ANK2: variants seen among roughly 807,000 people sequenced by gnomAD.
The protein encoded by ANK2 is ankyrin-2.
ANK2 carries 83 observed loss-of-function variants against 360.5 expected under a neutral mutation model. That is an observed-to-expected ratio of 0.23 (90% CI 0.19 to 0.28). ANK2 has a LOEUF of 0.28. Among genes scored for constraint, ANK2 ranks in the 10% least tolerant of loss-of-function variants. The probability of loss-of-function intolerance (pLI) is 1.00; values close to 1 mark genes in which losing one functional copy is unlikely to be tolerated. For synonymous variants in ANK2, 1,740 were observed against 1,759.5 expected, an observed-to-expected ratio of 0.99 and a Z score of 0.28; for missense variants, 4,201 against 4,795.7, an observed-to-expected ratio of 0.88 and a Z score of 3.66.
Position 113,356,680 on chromosome 4 carries a change from C to A in ANK2, c.8062C>A (p.Arg2688=), listed in dbSNP as rs765199439. ...DSGLLPEPVI[R]VQPPSPLPSS... ...AGGCCTTTTACCAGAACCAGTGATT[C>A]GAGTACAACCTCCTTCTCCACTTCC... is the stretch of plus-strand genomic sequence containing the variant. The change falls in exon 38 of 46, where the codon CGA becomes AGA. Residue 2688 remains arginine, a synonymous_variant. Transcript: ENST00000357077. 4 of 1,614,072 alleles carry A rather than the reference C, an allele frequency of 2.5e-6. No individual in the cohort carries two copies. Among genetic ancestry groups the A allele is most frequent in the Middle Eastern group, 1.6e-4 (1 of 6,062 alleles).
chr4:113,281,363 C>T (rs2062265625), intron 17 of ANK2, among the ~76,000 whole-genome samples: 1 of 151,924 alleles, frequency 6.6e-6, no homozygotes, highest in Admixed American at 6.6e-5. Context: ...CATGGTGAAA[C>T]CCCATCTCTA....
intron 1 of ANK2, among the ~76,000 whole-genome samples, chr4:113,166,257 T>A (rs1317370052): frequency 6.6e-6 from 1 of 152,122 alleles, no homozygotes; most frequent in Admixed American, 6.5e-5. Context: ...TCATTAACAT[T>A]TTAGTAACTG....
chr4:112,834,321 A>T (rs2060524860), intron 1 of ANK2, among the ~76,000 whole-genome samples: 1 of 152,226 alleles, frequency 6.6e-6, no homozygotes, highest in African/African-American at 2.4e-5. Context: ...GACTGAAATG[A>T]TATGTTCTCT....
intron 1 of ANK2, among the ~76,000 whole-genome samples, chr4:113,114,854 G>C (rs973189778): frequency 1.3e-5 from 2 of 152,154 alleles, no homozygotes; most frequent in African/African-American, 4.8e-5. Flanking sequence ...AAGGTCTTGT[G>C]CCAGAAGAAG....
In ANK2 at chr4:113,336,799, G is replaced by A. The variant is rs66792339; in HGVS notation, c.3796+18G>A. 6,754 of 1,610,910 alleles carry A rather than the reference G, an allele frequency of 4.2e-3. 286 individuals carry two copies. The African/African-American group carries it at 0.078, about 19-fold the overall frequency. On this transcript the variant is annotated intron_variant, in intron 31 of 45. Coordinates refer to ENST00000357077, the MANE Select transcript of ANK2 (RefSeq NM_001148.6). ...CATAACAGGTGAGTCACATATGACT[G>A]TGTTCGTAGAGAGTTCTGAAAAAAG...
chr4:112,771,662 T>C, the ANK2 span, among the ~76,000 whole-genome samples: 239 of 151,762 alleles, frequency 1.6e-3, 3 homozygotes, highest in East Asian at 0.033. Flanking sequence ...CTCAGCTCAC[T>C]GCAAGCTCCG....
chr4:113,177,972 C>A (rs753809171), intron 2 of ANK2, among the ~76,000 whole-genome samples: 1 of 152,184 alleles, frequency 6.6e-6, no homozygotes, highest in Non-Finnish European at 1.5e-5. Context: ...TTCTAAGGTA[C>A]ATGTGTTCTA....
intron 2 of ANK2, among the ~76,000 whole-genome samples, chr4:113,183,424 A>C (rs969456162): frequency 1.3e-5 from 2 of 152,074 alleles, no homozygotes; most frequent in African/African-American, 4.8e-5. Context: ...TCACATGGAG[A>C]GTTATATATA....
At chr4:112,810,493 G>A in the ANK2 span, among the ~76,000 whole-genome samples, 1 of 152,076 alleles carries the variant, frequency 6.6e-6, no homozygotes, top group Non-Finnish European at 1.5e-5. Flanking sequence ...AATATGTGGT[G>A]AGCTATGGCT....
At chr4:112,789,039 G>A in the ANK2 span, among the ~76,000 whole-genome samples, 3 of 151,882 alleles carry the variant, frequency 2.0e-5, no homozygotes, top group East Asian at 1.9e-4. Context: ...ATTACGGTTC[G>A]GTGCCTTCCT....
chr4:113,253,637 A>G (rs1001701156), intron 10 of ANK2, among the ~76,000 whole-genome samples: 25 of 151,858 alleles, frequency 1.6e-4, no homozygotes, highest in Non-Finnish European at 3.5e-4. Context: ...CTCACTTTCC[A>G]CATTCTGTCA....
At chr4:113,091,158 T>C (rs1049927911) in intron 1 of ANK2, among the ~76,000 whole-genome samples, 6 of 152,216 alleles carry the variant, frequency 3.9e-5, no homozygotes, top group Non-Finnish European at 8.8e-5. Flanking sequence ...TTGGCAGTAA[T>C]ACTTCAGCAC....
chr4:113,221,520 A>T (rs2099151279), intron 4 of ANK2, among the ~76,000 whole-genome samples: 1 of 152,062 alleles, frequency 6.6e-6, no homozygotes, highest in Non-Finnish European at 1.5e-5. Context: ...ATTAGCAGGC[A>T]TGGTGGCACA....
chr4:113,258,217 A>G, intron 12 of ANK2, 69 bp downstream of exon 12: 1 of 1,575,252 alleles, frequency 6.3e-7, no homozygotes, highest in Non-Finnish European at 8.7e-7. Context: ...CCTTTTTCTC[A>G]TCTTCTGTCC....
At chr4:112,743,562 T>TG in the ANK2 span, among the ~76,000 whole-genome samples, 1 of 148,160 alleles carries the variant, frequency 6.7e-6, no homozygotes, top group Non-Finnish European at 1.5e-5. Flanking sequence ...TCCTTTTTTT[T>TG]TTTTTTTTTT....
chr4:113,095,843 C>A lies in ANK2; in HGVS notation c.84+46031C>A, dbSNP rs112223489. ...GTCCATGCATGTTTATAGTAGTTAACTGCAGGCTCTCATCTGTGCTAATGA... is the reference window on the plus strand; with the variant it reads ...GTCCATGCATGTTTATAGTAGTTAAATGCAGGCTCTCATCTGTGCTAATGA... On this transcript the variant is annotated intron_variant, in intron 1 of 45. Transcript: ENST00000357077. 2.0e-3 allele frequency among the ~76,000 whole-genome samples: 307 copies of A among 152,304 alleles called. 1 individual carries two copies. The highest frequency in any genetic ancestry group is 3.5e-3 in the Non-Finnish European group (237 of 68,026).
intron 2 of ANK2, among the ~76,000 whole-genome samples, chr4:113,187,159 C>T (rs909924225): frequency 2.0e-5 from 3 of 151,860 alleles, no homozygotes; most frequent in Admixed American, 2.0e-4. Flanking sequence ...CTCTGCACCT[C>T]AGTGGGTATG....
At position 113,335,890 on chromosome 4, in the gene ANK2, A is replaced by C. The variant is rs775233245; in HGVS notation, c.3424A>C (p.Ile1142Leu). The change falls in exon 30 of 46, where the codon ATC (isoleucine) becomes CTC (leucine). Residue 1142 changes from isoleucine to leucine, a missense_variant. Around this residue, in one of 4 missense-constraint regions of ANK2, gnomAD observed 1,268 missense variants for 1,650.8 expected, o/e 0.77. Transcript: ENST00000357077. ...CCTAGAAAAGAAACGAATCTGCCGC[A>C]TCATCACCCGAGACTTCCCACAGTA... ...EDLEKKRICRIITRDFPQYFA... is the reference protein window; with the variant it reads ...EDLEKKRICRLITRDFPQYFA... The C allele has an allele frequency of 6.2e-7, 1 of 1,614,064 alleles. No individual in the cohort carries two copies. The highest frequency in any genetic ancestry group is 1.3e-5 in the African/African-American group (1 of 74,918).
chr4:113,043,144 G>A (rs1490498856), intron 2 of ANK2, among the ~76,000 whole-genome samples: 1 of 152,046 alleles, frequency 6.6e-6, no homozygotes, highest in Non-Finnish European at 1.5e-5. Context: ...AGGAACAAAA[G>A]GATCTCAAGG....
Sources: gnomAD v4.1 joint callset for allele counts (sites outside exome capture counted in the v4.1 genomes callset) on GRCh38, gnomAD v4.1.1 for gene constraint, gnomAD v4.1.1 regional missense constraint, MANE v1.5 for transcripts, NCBI Gene and HGNC (gene_info 2026-07-23, HGNC 2026-07-21) for gene names.